The following ZP3 variants were observed in gnomAD, a reference collection of about 807,000 sequenced individuals.
The protein encoded by ZP3 is zona pellucida sperm-binding protein 3.
Under a neutral mutation model 35.6 loss-of-function variants are expected in ZP3, and 21 were observed. The observed-to-expected ratio is 0.59, with a 90% CI of 0.42 to 0.85. The LOEUF (loss-of-function observed/expected upper bound fraction) is 0.85. ZP3 is among the 40% of genes least tolerant of loss of function. The probability of loss-of-function intolerance (pLI) is 0.00; values close to 1 mark genes in which losing one functional copy is unlikely to be tolerated. For synonymous variants in ZP3, 207 were observed against 214.5 expected (o/e 0.96, Z 0.31); for missense variants, 437 against 536.5 (o/e 0.81, Z 1.83).
At chr7:76,433,769 G>A in intron 4 of ZP3, 122 bp downstream of exon 4, 1 of 1,187,036 alleles carries the variant, frequency 8.4e-7, no homozygotes, top group Non-Finnish European at 1.2e-6. Context: ...CTTGATCTCT[G>A]CCCTCTGCAA....
At chr7:76,397,821 C>T (rs1455559504) in intron 1 of ZP3, 4 of 1,580,290 alleles carry the variant, frequency 2.5e-6, no homozygotes, top group Non-Finnish European at 3.4e-6. Context: ...ACCAGGCGTA[C>T]GCTGCCCTCA....
chr7:76,412,962 C>CTTTTTTTTTTTTTTTT (rs201143080), intron 1 of ZP3, among the ~76,000 whole-genome samples: 3 of 113,762 alleles, frequency 2.6e-5, no homozygotes, highest in Admixed American at 9.9e-5. Context: ...TCTTCTTCTT[C>CTTTTTTTTTTTTTTTT]TTCTTTTTTT....
upstream of ZP3, among the ~76,000 whole-genome samples, chr7:76,423,079 G>GA (rs1389213698): frequency 7.2e-6 from 1 of 138,506 alleles, no homozygotes; most frequent in Non-Finnish European, 1.5e-5. Flanking sequence ...AAGAAAGAAA[G>GA]AAAGAAAAGA....
At chr7:76,420,906 C>CCT, upstream of ZP3, among the ~76,000 whole-genome samples, 1 of 144,606 alleles carries the variant, frequency 6.9e-6, no homozygotes, top group South Asian at 2.2e-4. Context: ...TATATTTCCA[C>CCT]GTGTGTGTGT....
At chr7:76,401,373 C>T (rs1804824155) in intron 1 of ZP3, among the ~76,000 whole-genome samples, 1 of 152,046 alleles carries the variant, frequency 6.6e-6, no homozygotes, top group Non-Finnish European at 1.5e-5. Context: ...ACTACAAAAC[C>T]TTCTAGAATC....
upstream of ZP3, among the ~76,000 whole-genome samples, chr7:76,423,555 A>T (rs1042401435): frequency 1.3e-5 from 2 of 152,112 alleles, no homozygotes; most frequent in African/African-American, 4.8e-5. Context: ...CTTAAGTAAT[A>T]GGCATGTTTC....
intron 1 of ZP3, among the ~76,000 whole-genome samples, chr7:76,402,132 G>A (rs973996774): frequency 1.1e-4 from 16 of 149,730 alleles, no homozygotes; most frequent in Non-Finnish European, 1.9e-4. Context: ...CCATCCTCCC[G>A]CCTCAGCCTC....
At chr7:76,435,398 G>A (rs554008293) in intron 5 of ZP3, among the ~76,000 whole-genome samples, 480 of 152,198 alleles carry the variant, frequency 3.2e-3, no homozygotes, top group African/African-American at 0.011. Context: ...CAGGTGATCC[G>A]CCTGCCTCGG....
At chr7:76,422,148 C>T (rs1584051940), upstream of ZP3, among the ~76,000 whole-genome samples, 2 of 151,972 alleles carry the variant, frequency 1.3e-5, no homozygotes, top group African/African-American at 4.8e-5. Context: ...CCGCCCACCT[C>T]GGCCTCCCAA....
intron 2 of ZP3, among the ~76,000 whole-genome samples, chr7:76,432,529 T>C (rs754302927): frequency 6.6e-6 from 1 of 152,126 alleles, no homozygotes; most frequent in Non-Finnish European, 1.5e-5. Flanking sequence ...TTGTCCAGGC[T>C]GCTCTCAAAC....
chr7:76,425,422 C>G, intron 1 of ZP3, 146 bp downstream of exon 1: 1 of 880,548 alleles, frequency 1.1e-6, no homozygotes, highest in Admixed American at 2.9e-5. Flanking sequence ...AGGCCTGAAG[C>G]TGGCACTGAG....
chr7:76,406,784 GA>G (rs879441615), intron 1 of ZP3, among the ~76,000 whole-genome samples: 1,721 of 139,090 alleles, frequency 0.012, 26 homozygotes, highest in African/African-American at 0.035. Context: ...TCCTAAATCA[GA>G]AAAAAAAAAA....
At position 76,436,019 on chromosome 7, in the gene ZP3, C is replaced by A. The variant is rs1425967077; in HGVS notation, c.831+1864C>A. The stretch of plus-strand genomic sequence containing the variant: ...GATTATAGGCATGAACCACCACGCG[C>A]CCCCCGCCCCCTTTTTTTTTTTTTT... On this transcript the variant is annotated intron_variant, in intron 5 of 7. Coordinates refer to ENST00000394857, the MANE Select transcript of ZP3 (RefSeq NM_001110354.2). Among the ~76,000 whole-genome samples the A allele has an allele frequency of 2.3e-5, 3 of 133,224 alleles. No individual in the cohort carries two copies. The Admixed American group carries it at 2.3e-4, about 10-fold the overall frequency. The allele number at this position is 133,224 out of a possible 152,430, so 87.4% of individuals were successfully genotyped here.
intron 5 of ZP3, among the ~76,000 whole-genome samples, chr7:76,437,596 TC>T (rs201317733): frequency 0.068 from 9,737 of 142,162 alleles, no homozygotes; most frequent in African/African-American, 0.16. Flanking sequence ...AAGCAATTCT[TC>T]CATTCCAGCC....
chr7:76,420,980 A>C (rs1403726335), upstream of ZP3, among the ~76,000 whole-genome samples: 1 of 150,942 alleles, frequency 6.6e-6, no homozygotes, highest in Admixed American at 6.6e-5. Context: ...CTGTCACCCA[A>C]GCTGGAGAGC....
chr7:76,436,846 T>C (rs1425269646), intron 5 of ZP3, among the ~76,000 whole-genome samples: 2 of 152,242 alleles, frequency 1.3e-5, no homozygotes, highest in Non-Finnish European at 2.9e-5. Flanking sequence ...GCGGTCAGCA[T>C]GGGTATGGAC....
upstream of ZP3, chr7:76,424,765 G>C: frequency 3.7e-6 from 2 of 542,822 alleles, no homozygotes; most frequent in Non-Finnish European, 6.5e-6. Context: ...TGGTCATGCT[G>C]GGGTGAAGGC....
intron 1 of ZP3, among the ~76,000 whole-genome samples, chr7:76,427,515 C>CAAAAAA (rs71085411): frequency 3.8e-5 from 4 of 104,780 alleles, no homozygotes; most frequent in East Asian, 3.2e-4. Context: ...GACTCCGTCT[C>CAAAAAA]AAAAAAAAAA....
chr7:76,432,944 G>A lies in ZP3; in HGVS notation c.449G>A (p.Ser150Asn), dbSNP rs763664408. ...TCTCTCAGGCAGGGCAATGTGAGCAGCCAGGCCATCCTGCCCACCTGGTTG... is the reference window on the plus strand; with the variant it reads ...TCTCTCAGGCAGGGCAATGTGAGCAACCAGGCCATCCTGCCCACCTGGTTG... The part of the protein sequence containing the change: ...CRYPRQGNVS[S>N]QAILPTWLPF... The change falls in exon 3 of 8, where the codon AGC (serine) becomes AAC (asparagine). Residue 150 changes from serine (S) to asparagine (N), a missense_variant. Around this residue, in one of 6 missense-constraint regions of ZP3, gnomAD observed 352 missense variants for 308.4 expected, o/e 1.14. Transcript: ENST00000394857. 4 of 1,613,946 alleles carry A rather than the reference G, an allele frequency of 2.5e-6. No individual in the cohort carries two copies. The East Asian group carries it at 8.9e-5, about 36-fold the overall frequency.
Sources: allele counts gnomAD v4.1 joint callset (sites outside exome capture counted in the v4.1 genomes callset), GRCh38; gene constraint gnomAD v4.1.1; regional missense constraint gnomAD v4.1.1; transcripts MANE v1.5; gene names NCBI Gene and HGNC (gene_info 2026-07-23, HGNC 2026-07-21).